BANK1: variants seen among roughly 807,000 people sequenced by gnomAD.
BANK1 encodes B cell scaffold protein with ankyrin repeats 1.
A neutral mutation model predicts 94.5 loss-of-function variants in BANK1; 95 were observed. The observed-to-expected ratio is 1.00, with a 90% CI of 0.85 to 1.19. The LOEUF is 1.19. BANK1 is among the 50% of genes most tolerant of loss of function. BANK1 has a pLI of 0.00. For synonymous variants in BANK1, 334 were observed against 308.4 expected (o/e 1.08, Z -0.87); for missense variants, 987 against 932.2 (o/e 1.06, Z -0.77).
chr4:102,001,695 A>G (rs781394905), intron 7 of BANK1, among the ~76,000 whole-genome samples: 2 of 152,206 alleles, frequency 1.3e-5, no homozygotes, highest in African/African-American at 2.4e-5. Context: ...TGAGCCTCCA[A>G]TGAGGTTGAG....
At chr4:101,807,871 A>T (rs1725611401) in intron 1 of BANK1, among the ~76,000 whole-genome samples, 1 of 152,082 alleles carries the variant, frequency 6.6e-6, no homozygotes, top group South Asian at 2.1e-4. Context: ...ACCTGAGGTC[A>T]GGAGTTCAAG....
Position 102,060,348 on chromosome 4 carries a change from C to T in BANK1, c.2107C>T (p.His703Tyr). The T allele has an allele frequency of 6.2e-7, 1 of 1,610,064 alleles. No homozygotes were observed. Among genetic ancestry groups the T allele is most frequent in the Middle Eastern group, 1.7e-4 (1 of 6,052 alleles). The part of the protein sequence containing the change: ...SMDEALEKFK[H>Y]WQMGKSGLEM... ...GGATGAAGCTCTGGAGAAATTTAAACACTGGCAGATGGGAAAAAGTGGCCT... is the reference window on the plus strand; with the variant it reads ...GGATGAAGCTCTGGAGAAATTTAAATACTGGCAGATGGGAAAAAGTGGCCT... The change falls in exon 12 of 17, where the codon CAC (histidine) becomes TAC (tyrosine). Residue 703 changes from histidine to tyrosine, a missense_variant. By Grantham distance (83) the His-to-Tyr change is moderately conservative. Transcript: ENST00000322953.
rs1728864640 is a variant in BANK1 at position 102,074,635 on chromosome 4, C to G, written c.*636C>G. 1 of 151,968 alleles carries G rather than the reference C, an allele frequency of 6.6e-6. No homozygotes were observed. The highest frequency in any genetic ancestry group is 6.6e-5 in the Admixed American group (1 of 15,258). 9.4% of individuals were successfully genotyped at this position (151,968 alleles called of 1,614,324 possible). On this transcript the variant is annotated 3_prime_UTR_variant, in exon 17 of 17. Transcript: ENST00000322953. ...TATTAAGACTTGCAATTTTATCAATCTATTATTTCTTAGAAACAATTTACT... is the reference window on the plus strand; with the variant it reads ...TATTAAGACTTGCAATTTTATCAATGTATTATTTCTTAGAAACAATTTACT...
chr4:101,828,405 A>G (rs1433973908), intron 1 of BANK1, among the ~76,000 whole-genome samples: 2 of 146,734 alleles, frequency 1.4e-5, no homozygotes, highest in African/African-American at 5.1e-5. Flanking sequence ...ATATATATAT[A>G]TATATCTCCA....
rs898782817 is a variant in BANK1 at position 102,072,253 on chromosome 4, C to T, written c.2243-92C>T. ...ATTTTTCTTTTCACCCATATCTTAC[C>T]TTTGTAGAAATCATTTTTAAGAAGT... On this transcript the variant is annotated intron_variant, in intron 14 of 16. Coordinates refer to ENST00000322953, the MANE Select transcript of BANK1 (RefSeq NM_017935.5). 2.8e-5 allele frequency: 31 copies of T among 1,114,250 alleles called. No individual in the cohort carries two copies. In the African/African-American group the frequency reaches 4.4e-4, roughly 16 times the overall value. The allele number at this position is 1,114,250 out of a possible 1,614,324, so 69.0% of individuals were successfully genotyped here.
rs56757011 is a variant in BANK1 at position 101,940,876 on chromosome 4, C to G, written c.1206+22687C>G. ...TCTCCACTGTAAAGATATTCCCCCT[C>G]CTCTAACCTTTTCATGTTGAACTTT... On this transcript the variant is annotated intron_variant, in intron 7 of 16. Transcript: ENST00000322953. 5.7e-3 allele frequency among the ~76,000 whole-genome samples: 863 copies of G among 151,812 alleles called. 15 individuals carry two copies. The highest frequency in any genetic ancestry group is 0.057 in the East Asian group (289 of 5,104).
chr4:102,022,085 C>A (rs1274075404), intron 8 of BANK1, among the ~76,000 whole-genome samples: 2 of 151,830 alleles, frequency 1.3e-5, no homozygotes, highest in South Asian at 4.2e-4. Flanking sequence ...TATATATATA[C>A]ACATATATAC....
At chr4:101,960,645 A>G (rs76517499) in intron 7 of BANK1, among the ~76,000 whole-genome samples, 3,961 of 152,212 alleles carry the variant, frequency 0.026, 180 homozygotes, top group African/African-American at 0.092. Flanking sequence ...GGTTAGTGGC[A>G]TCTGTCTTCC....
At chr4:101,795,439 G>A (rs949175656) in intron 1 of BANK1, among the ~76,000 whole-genome samples, 1 of 151,928 alleles carries the variant, frequency 6.6e-6, no homozygotes, top group African/African-American at 2.4e-5. Flanking sequence ...TCTAGGATGG[G>A]GAGTGGAGAA....
At chr4:101,839,082 A>G (rs142269621) in intron 2 of BANK1, among the ~76,000 whole-genome samples, 66 of 152,338 alleles carry the variant, frequency 4.3e-4, no homozygotes, top group African/African-American at 1.4e-3. Flanking sequence ...AAAGATTTTA[A>G]AAGTCAGACA....
In BANK1 at chr4:102,029,512, A is replaced by G. The variant is rs115462287; in HGVS notation, c.1595-448A>G. Among the ~76,000 whole-genome samples the G allele has an allele frequency of 4.2e-3, 622 of 148,442 alleles. 8 individuals are homozygous for G. The highest frequency in any genetic ancestry group is 0.015 in the African/African-American group (610 of 40,952). ...TATGAAATCATTCTTTATATGTAAA[A>G]GTATATATAATATATAAAATAATAT... On this transcript the variant is annotated intron_variant, in intron 9 of 16. Transcript: ENST00000322953.
At chr4:101,921,268 A>G (rs572231722) in intron 7 of BANK1, among the ~76,000 whole-genome samples, 8 of 152,124 alleles carry the variant, frequency 5.3e-5, no homozygotes, top group Middle Eastern at 3.4e-3. Context: ...GAGAGAATTA[A>G]TATGAAAAGT....
intron 7 of BANK1, among the ~76,000 whole-genome samples, chr4:101,979,135 G>T (rs1725239557): frequency 6.6e-6 from 1 of 151,930 alleles, no homozygotes; most frequent in South Asian, 2.1e-4. Flanking sequence ...AATATAAGAT[G>T]AGAAGAAATA....
chr4:101,882,003 T>C (rs891593588), intron 5 of BANK1, among the ~76,000 whole-genome samples: 2 of 152,068 alleles, frequency 1.3e-5, no homozygotes, highest in Non-Finnish European at 2.9e-5. Context: ...GACCTAATAT[T>C]TGATAACACA....
chr4:101,849,181 A>G (rs1026402340), intron 2 of BANK1, among the ~76,000 whole-genome samples: 19 of 152,122 alleles, frequency 1.2e-4, no homozygotes, highest in Admixed American at 1.2e-3. Flanking sequence ...GGCCTTTCTC[A>G]AAGAGAGGTT....
At chr4:101,837,473 G>A (rs1283249664) in intron 2 of BANK1, among the ~76,000 whole-genome samples, 1 of 152,068 alleles carries the variant, frequency 6.6e-6, no homozygotes, top group Non-Finnish European at 1.5e-5. Context: ...TTACACAAGG[G>A]TTTTATTTTG....
chr4:101,920,059 C>A (rs1320319351), intron 7 of BANK1, among the ~76,000 whole-genome samples: 2 of 151,530 alleles, frequency 1.3e-5, no homozygotes, highest in African/African-American at 4.9e-5. Flanking sequence ...GCTAGATAAC[C>A]ATATGTTGAC....
chr4:102,056,964 CA>C (rs1228509025), intron 11 of BANK1, among the ~76,000 whole-genome samples: 3 of 152,138 alleles, frequency 2.0e-5, no homozygotes, highest in Admixed American at 2.0e-4. Context: ...GAGATCACGC[CA>C]CTGCACTCCA....
intron 7 of BANK1, among the ~76,000 whole-genome samples, chr4:102,017,109 G>GA (rs1289643192): frequency 6.6e-6 from 1 of 152,162 alleles, no homozygotes; most frequent in Non-Finnish European, 1.5e-5. Flanking sequence ...ATCACTGTAT[G>GA]AAAAATAGAA....
Sources: gnomAD v4.1 joint callset for allele counts (sites outside exome capture counted in the v4.1 genomes callset) on GRCh38, gnomAD v4.1.1 for gene constraint, MANE v1.5 for transcripts, NCBI Gene and HGNC (gene_info 2026-07-23, HGNC 2026-07-21) for gene names.